PCDHGA6: variants seen among roughly 807,000 people sequenced by gnomAD.
PCDHGA6 encodes the protein protocadherin gamma subfamily A, 6.
In PCDHGA6, 41 loss-of-function variants were observed where a neutral mutation model predicts 60.6. That is an observed-to-expected ratio of 0.68 (90% CI 0.53 to 0.88). PCDHGA6 has a LOEUF of 0.88. Ranked by LOEUF, PCDHGA6 falls within the 40% of genes least tolerant of loss-of-function variation. PCDHGA6 has a pLI of 0.00. For synonymous variants in PCDHGA6, 594 were observed against 524.4 expected (o/e 1.13, Z -1.81); for missense variants, 1,312 against 1,203.0 (o/e 1.09, Z -1.34).
chr5:141,410,817 ATGTCACCAGACTGAAGATATTTTGTCTT>A, intron 1 of PCDHGA6: 1 of 524,252 alleles, frequency 1.9e-6, no homozygotes, highest in Non-Finnish European at 3.1e-6. Flanking sequence ...TTGTAAAATA[ATGTCACCAGACTGAAGATATTTTGTCTT>A]TGTCTTTTTT....
Position 141,491,793 on chromosome 5 carries a change from C to A in PCDHGA6, c.2425-3014C>A. 6.6e-7 allele frequency: 1 copy of A among 1,511,410 alleles called. No homozygotes were observed. The highest frequency in any genetic ancestry group is 1.3e-5 in the South Asian group (1 of 77,572). The allele number at this position is 1,511,410 out of a possible 1,614,324, so 93.6% of individuals were successfully genotyped here. On this transcript the variant is annotated intron_variant, in intron 1 of 3. Coordinates refer to ENST00000517434, the MANE Select transcript of PCDHGA6 (RefSeq NM_018919.3). This position sits in a 1 kb window ranked among gnomAD's most constrained non-coding sequence, Gnocchi z 6.9. ...AGGGATTGAACTTGCATCCACTCCT[C>A]TCCGGCCGGCTTGGTCGCTGGCTGC...
chr5:141,413,639 GT>G, intron 1 of PCDHGA6: 1 of 1,613,854 alleles, frequency 6.2e-7, no homozygotes, highest in South Asian at 1.1e-5. Context: ...GCGGGAATGC[GT>G]TTTCCTCTCC....
Position 141,510,974 on chromosome 5 carries a change from G to T in PCDHGA6, c.2600G>T (p.Gly867Val). The T allele has an allele frequency of 6.2e-7, 1 of 1,614,150 alleles. No homozygotes were observed. The highest frequency in any genetic ancestry group is 1.1e-5 in the South Asian group (1 of 91,088). ...SEAADGSSTL[G>V]GGAGTMGLSA... ...GCTGCTGATGGGAGCTCCACCCTGG[G>T]AGGGGGTGCCGGCACCATGGGATTG... is the stretch of plus-strand genomic sequence containing the variant. The change falls in exon 4 of 4, where the codon GGA becomes GTA. Residue 867 changes from glycine (G) to valine (V), a missense_variant. Physicochemically the swap from Gly to Val is moderately radical, Grantham distance 109. Transcript: ENST00000517434.
intron 1 of PCDHGA6, chr5:141,410,195 G>T (rs769655902): frequency 1.2e-6 from 2 of 1,613,966 alleles, no homozygotes; most frequent in East Asian, 4.5e-5. Context: ...TCTGGTCTTC[G>T]CAGACAACTT....
intron 1 of PCDHGA6, chr5:141,430,960 C>T (rs2097330619): frequency 6.2e-7 from 1 of 1,612,432 alleles, no homozygotes; most frequent in Non-Finnish European, 8.5e-7. Context: ...TCCGCATCAT[C>T]CCCAGAGGTA....
In PCDHGA6 at chr5:141,422,062, A is replaced by G. The variant is rs776838280; in HGVS notation, c.2424+45555A>G. The G allele has an allele frequency of 1.2e-6, 2 of 1,612,022 alleles. No individual in the cohort carries two copies. The highest frequency in any genetic ancestry group is 2.7e-5 in the African/African-American group (2 of 74,802). ...AGACGAGGGAATCAACGGGGAAGTAATGTATTCATTTCGGAACATGGAAAG... is the reference window on the plus strand; with the variant it reads ...AGACGAGGGAATCAACGGGGAAGTAGTGTATTCATTTCGGAACATGGAAAG... On this transcript the variant is annotated intron_variant, in intron 1 of 3. Transcript: ENST00000517434.
chr5:141,417,713 C>G, intron 1 of PCDHGA6: 1 of 1,271,750 alleles, frequency 7.9e-7, no homozygotes, highest in Non-Finnish European at 1.1e-6. Flanking sequence ...CAGAGGCTCC[C>G]GGCTGCGCAG....
At chr5:141,435,383 G>C (rs1057246190) in intron 1 of PCDHGA6, among the ~76,000 whole-genome samples, 4 of 151,898 alleles carry the variant, frequency 2.6e-5, no homozygotes, top group Admixed American at 2.0e-4. Flanking sequence ...ACAATATACC[G>C]TATTGCCATG....
chr5:141,394,488 G>A (rs753312224), intron 1 of PCDHGA6: 5 of 1,614,196 alleles, frequency 3.1e-6, no homozygotes, highest in South Asian at 2.2e-5. Flanking sequence ...GAATGACAAC[G>A]CGCCCGAGAT....
chr5:141,443,167 C>T (rs745545091), intron 1 of PCDHGA6, among the ~76,000 whole-genome samples: 4 of 152,084 alleles, frequency 2.6e-5, no homozygotes, highest in Non-Finnish European at 5.9e-5. Flanking sequence ...TTTCCCTACC[C>T]ATGTCCACTG....
chr5:141,470,123 C>T (rs368463710), intron 1 of PCDHGA6, among the ~76,000 whole-genome samples: 11 of 151,234 alleles, frequency 7.3e-5, no homozygotes, highest in Admixed American at 3.3e-4. Flanking sequence ...AGCAAGACTT[C>T]GTCTCAAAAA....
At position 141,400,101 on chromosome 5, in the gene PCDHGA6, G is replaced by A. The variant is rs778391200; in HGVS notation, c.2424+23594G>A. The A allele has an allele frequency of 8.1e-6, 13 of 1,613,948 alleles. No homozygotes were observed. The East Asian group carries it at 2.9e-4, about 36-fold the overall frequency. ...TCTCCGCCACCGCCACGCTGCACTT[G>A]GTCTTTGCTGACAGCTTGCAGGAGG... On this transcript the variant is annotated intron_variant, in intron 1 of 3. Coordinates refer to ENST00000517434, the MANE Select transcript of PCDHGA6 (RefSeq NM_018919.3).
intron 1 of PCDHGA6, chr5:141,423,820 C>T: frequency 7.9e-7 from 1 of 1,272,642 alleles, no homozygotes. Context: ...TTTTACTTTG[C>T]CTTTCATGAG....
chr5:141,498,848 G>A (rs930895553), intron 2 of PCDHGA6, among the ~76,000 whole-genome samples: 3 of 151,908 alleles, frequency 2.0e-5, no homozygotes, highest in Non-Finnish European at 4.4e-5. Context: ...CAGGGGAATC[G>A]CTTGAACCCA....
intron 1 of PCDHGA6, chr5:141,414,893 C>T: frequency 6.2e-7 from 1 of 1,614,248 alleles, no homozygotes; most frequent in Non-Finnish European, 8.5e-7. Context: ...GCCCTCCCCA[C>T]AGACGGTTCC....
intron 1 of PCDHGA6, among the ~76,000 whole-genome samples, chr5:141,407,155 TG>T (rs1451933301): frequency 1.3e-5 from 2 of 152,232 alleles, no homozygotes; most frequent in Non-Finnish European, 2.9e-5. Flanking sequence ...CTGAAGTGTC[TG>T]GGAATCCTTT....
intron 1 of PCDHGA6, chr5:141,410,304 T>C (rs1232480024): frequency 6.2e-7 from 1 of 1,614,024 alleles, no homozygotes; most frequent in Non-Finnish European, 8.5e-7. Context: ...TTAATCTCAG[T>C]GCTCTTCCTC....
chr5:141,441,883 A>T, intron 1 of PCDHGA6: 1 of 343,546 alleles, frequency 2.9e-6, no homozygotes, highest in South Asian at 2.6e-5. Context: ...CTACCTGGTC[A>T]CCAAGGTGGT....
chr5:141,419,735 G>T (rs1013306543), intron 1 of PCDHGA6: 1 of 1,613,806 alleles, frequency 6.2e-7, no homozygotes, highest in Non-Finnish European at 8.5e-7. Context: ...AACAGGCGAG[G>T]TGCGCATGGT....
Sources: gnomAD v4.1 joint callset for allele counts (sites outside exome capture counted in the v4.1 genomes callset) on GRCh38, gnomAD v4.1.1 for gene constraint, Gnocchi (gnomAD v3.1) non-coding constraint, MANE v1.5 for transcripts, NCBI Gene and HGNC (gene_info 2026-07-23, HGNC 2026-07-21) for gene names.